The following NIPBL variants were observed in gnomAD, a reference collection of about 807,000 sequenced individuals.
NIPBL encodes the protein NIPBL cohesin loading factor, also known as nipped-B-like protein.
Under a neutral mutation model 321.8 loss-of-function variants are expected in NIPBL, and 19 were observed. That is an observed-to-expected ratio of 0.06 (90% CI 0.04 to 0.09). The LOEUF (loss-of-function observed/expected upper bound fraction) is 0.09, where lower values mean the gene tolerates loss of function less well. Ranked by LOEUF, NIPBL falls within the 10% of genes least tolerant of loss-of-function variation. The probability of loss-of-function intolerance (pLI) is 1.00; values close to 1 mark genes in which losing one functional copy is unlikely to be tolerated. For missense variants in NIPBL, 2,210 were observed against 3,327.0 expected (o/e 0.66, Z 8.26); for synonymous variants, 1,106 against 1,114.1 (o/e 0.99, Z 0.14).
intron 32 of NIPBL, among the ~76,000 whole-genome samples, chr5:37,033,535 G>A (rs1251870799): frequency 1.4e-5 from 2 of 141,046 alleles, no homozygotes. Flanking sequence ...AAATGGGGTT[G>A]GGATATTTGA....
At chr5:36,981,771 A>G (rs1744173163) in intron 9 of NIPBL, among the ~76,000 whole-genome samples, 1 of 151,710 alleles carries the variant, frequency 6.6e-6, no homozygotes. Context: ...GGAATGGCTC[A>G]GCTTCACTAA....
At chr5:36,924,193 T>G (rs2149562771) in intron 1 of NIPBL, among the ~76,000 whole-genome samples, 1 of 152,280 alleles carries the variant, frequency 6.6e-6, no homozygotes, top group Non-Finnish European at 1.5e-5. Context: ...TTTTTGATCT[T>G]TAAATGTTAC....
chr5:37,065,110 G>A lies in NIPBL; in HGVS notation c.*218G>A, dbSNP rs1487002215. Reference sequence around the variant, plus strand: ...TTCTCAGTTCATTTTTACTCCCACTGTATTATAGTTTAACAAAAATTGTTT... The same window carrying A: ...TTCTCAGTTCATTTTTACTCCCACTATATTATAGTTTAACAAAAATTGTTT... On this transcript the variant is annotated 3_prime_UTR_variant, in exon 47 of 47. Transcript: ENST00000282516. The A allele has an allele frequency of 1.7e-6, 1 of 575,220 alleles. No homozygotes were observed. Among genetic ancestry groups the A allele is most frequent in the South Asian group, 2.2e-5 (1 of 45,680 alleles). 35.6% of individuals were successfully genotyped at this position (575,220 alleles called of 1,614,324 possible). A position where few individuals can be genotyped will look rare whatever the true frequency, so the allele number is the denominator to read the frequency against.
In NIPBL at chr5:36,996,748, G is replaced by C. The variant is rs1561132915; in HGVS notation, c.3304+944G>C. On this transcript the variant is annotated intron_variant, in intron 11 of 46. Coordinates refer to ENST00000282516, the MANE Select transcript of NIPBL (RefSeq NM_133433.4). The surrounding 1 kb of genome is among the most constrained non-coding windows in gnomAD (Gnocchi z 5.0). ...TCATAATGACCAAAAGAAGTGGGAA[G>C]ACCACCAGTGTTCTACTTTTTCCAC... 3.5e-6 allele frequency: 1 copy of C among 283,286 alleles called. No homozygotes were observed. Among genetic ancestry groups the C allele is most frequent in the Non-Finnish European group, 7.0e-6 (1 of 142,146 alleles). 17.5% of individuals were successfully genotyped at this position (283,286 alleles called of 1,614,324 possible).
chr5:37,063,948 T>C lies in NIPBL; in HGVS notation c.8019T>C (p.Asp2673=), dbSNP rs762153846. The C allele has an allele frequency of 6.2e-7, 1 of 1,613,912 alleles. No homozygotes were observed. Among genetic ancestry groups the C allele is most frequent in the Non-Finnish European group, 8.5e-7 (1 of 1,179,984 alleles). ...CAGAGACAGAAGATGATGAAAGTGA[T>C]GGGGAGGATAGAGGAGGAGGCACTT... is the stretch of plus-strand genomic sequence containing the variant. ...TAAETEDDES[D]GEDRGGGTSG... The change falls in exon 46 of 47, where the codon GAT becomes GAC. Residue 2673 remains aspartate (D), a synonymous_variant. Coordinates refer to ENST00000282516, the MANE Select transcript of NIPBL (RefSeq NM_133433.4).
At chr5:36,975,671 AT>A in intron 8 of NIPBL, 104 bp from the exon 9 acceptor site, 2 of 1,107,550 alleles carry the variant, frequency 1.8e-6, no homozygotes, top group Middle Eastern at 2.0e-4. Flanking sequence ...ATAATTTCTT[AT>A]TTTTTTCTAG....
chr5:37,012,114 T>C (rs1329248258), intron 21 of NIPBL, among the ~76,000 whole-genome samples: 1 of 151,534 alleles, frequency 6.6e-6, no homozygotes, highest in Non-Finnish European at 1.5e-5. Context: ...GTGAATTGAC[T>C]GTTTATATCT....
intron 1 of NIPBL, among the ~76,000 whole-genome samples, chr5:36,920,512 G>T (rs968204807): frequency 1.3e-5 from 2 of 152,096 alleles, no homozygotes; most frequent in African/African-American, 4.8e-5. Flanking sequence ...ATGACTGATA[G>T]TATTTTTGAT....
intron 20 of NIPBL, among the ~76,000 whole-genome samples, chr5:37,008,976 A>G (rs765670631): frequency 2.0e-5 from 3 of 152,212 alleles, no homozygotes; most frequent in Non-Finnish European, 4.4e-5. Flanking sequence ...ATTTTAGGCC[A>G]TATAACACTT....
intron 1 of NIPBL, among the ~76,000 whole-genome samples, chr5:36,943,883 G>C (rs1337657691): frequency 1.3e-5 from 2 of 152,096 alleles, no homozygotes; most frequent in Non-Finnish European, 2.9e-5. Context: ...TGATTTCTAG[G>C]TCAAATCATA....
chr5:36,896,582 G>A (rs140783257), intron 1 of NIPBL, among the ~76,000 whole-genome samples: 1 of 152,216 alleles, frequency 6.6e-6, no homozygotes, highest in Non-Finnish European at 1.5e-5. Context: ...TTTTTTTAAA[G>A]CCCTAATTTC....
At chr5:37,003,010 GTTTTT>G (rs371536615) in intron 15 of NIPBL, among the ~76,000 whole-genome samples, 1 of 144,168 alleles carries the variant, frequency 6.9e-6, no homozygotes, top group Non-Finnish European at 1.5e-5. Flanking sequence ...TTTTTCCAGA[GTTTTT>G]TTTTTTCATT....
chr5:36,940,298 A>T (rs529125309), intron 1 of NIPBL, among the ~76,000 whole-genome samples: 4 of 152,310 alleles, frequency 2.6e-5, no homozygotes, highest in African/African-American at 9.6e-5. Context: ...TAAGATATGT[A>T]TGTAAATAAC....
intron 38 of NIPBL, among the ~76,000 whole-genome samples, chr5:37,047,812 T>C (rs545260106): frequency 3.3e-5 from 5 of 152,308 alleles, no homozygotes; most frequent in African/African-American, 9.6e-5. Context: ...TCAGAGATCT[T>C]CATTTTTTCC....
intron 3 of NIPBL, 59 bp downstream of exon 3, chr5:36,955,696 A>G: frequency 7.4e-7 from 1 of 1,358,216 alleles, no homozygotes; most frequent in Non-Finnish European, 1.1e-6. Flanking sequence ...TACTAAGAGA[A>G]TCCGTATTCC....
intron 1 of NIPBL, among the ~76,000 whole-genome samples, chr5:36,886,962 T>G (rs1476679409): frequency 6.6e-6 from 1 of 152,148 alleles, no homozygotes; most frequent in East Asian, 1.9e-4. Context: ...AGTTTAAAAT[T>G]GTTAACTTTG....
At chr5:36,930,835 T>C (rs981431787) in intron 1 of NIPBL, among the ~76,000 whole-genome samples, 19 of 152,314 alleles carry the variant, frequency 1.2e-4, no homozygotes, top group African/African-American at 4.6e-4. Context: ...TAAGATGTTT[T>C]ACATTAATTT....
intron 25 of NIPBL, among the ~76,000 whole-genome samples, chr5:37,019,809 A>T (rs148141955): frequency 6.6e-6 from 1 of 152,240 alleles, no homozygotes; most frequent in Non-Finnish European, 1.5e-5. Flanking sequence ...ATGTTACACA[A>T]TGTAACCAAA....
At chr5:36,949,718 G>A (rs1299164917) in intron 1 of NIPBL, among the ~76,000 whole-genome samples, 2 of 151,702 alleles carry the variant, frequency 1.3e-5, no homozygotes, top group East Asian at 3.9e-4. Flanking sequence ...AAAGTGGCCC[G>A]CCAGAAAGTT....
Sources: gnomAD v4.1 joint callset for allele counts (sites outside exome capture counted in the v4.1 genomes callset) on GRCh38, gnomAD v4.1.1 for gene constraint, Gnocchi (gnomAD v3.1) non-coding constraint, MANE v1.5 for transcripts, NCBI Gene and HGNC (gene_info 2026-07-23, HGNC 2026-07-21) for gene names.